Variants in COL28A1 observed in about 807,000 individuals in gnomAD.
COL28A1 encodes the protein collagen type XXVIII alpha 1 chain.
COL28A1 carries 161 observed loss-of-function variants against 150.2 expected under a neutral mutation model. The observed-to-expected ratio is 1.07, with a 90% CI of 0.94 to 1.22. The LOEUF is 1.22. Among genes scored for constraint, COL28A1 ranks in the 50% most tolerant of loss-of-function variants. COL28A1 has a pLI of 0.00. For missense variants in COL28A1, 1,617 were observed against 1,388.3 expected (o/e 1.16, Z -2.62); for synonymous variants, 552 against 469.7 (o/e 1.18, Z -2.26).
At chr7:7,497,213 G>A (rs1226630799) in intron 11 of COL28A1, among the ~76,000 whole-genome samples, 1 of 152,170 alleles carries the variant, frequency 6.6e-6, no homozygotes, top group Admixed American at 6.5e-5. Flanking sequence ...AGGAAGTGTT[G>A]TGTTATAAAA....
chr7:7,434,935 C>T (rs1583362643), intron 23 of COL28A1, among the ~76,000 whole-genome samples: 1 of 152,118 alleles, frequency 6.6e-6, no homozygotes, highest in African/African-American at 2.4e-5. Context: ...TGGGAGACCC[C>T]TGAAGTATTA....
intron 33 of COL28A1, among the ~76,000 whole-genome samples, chr7:7,368,288 G>C (rs879433808): frequency 2.0e-5 from 3 of 151,944 alleles, no homozygotes; most frequent in Admixed American, 2.0e-4. Context: ...TCCAGCTTTA[G>C]CTCTCATCAC....
the COL28A1 span, among the ~76,000 whole-genome samples, chr7:7,542,197 A>T: frequency 6.6e-6 from 1 of 152,122 alleles, no homozygotes; most frequent in Non-Finnish European, 1.5e-5. Context: ...AAAATACAAA[A>T]ATTAGCTGGG....
chr7:7,449,842 T>C (rs1388090579), intron 18 of COL28A1, among the ~76,000 whole-genome samples: 2 of 152,114 alleles, frequency 1.3e-5, no homozygotes, highest in African/African-American at 4.8e-5. Context: ...ACAAATATTT[T>C]CTTGAAAAAT....
chr7:7,445,361 G>C (rs1048020456), intron 18 of COL28A1, among the ~76,000 whole-genome samples: 1 of 152,160 alleles, frequency 6.6e-6, no homozygotes, highest in African/African-American at 2.4e-5. Flanking sequence ...GACACCCTGA[G>C]AAGCTAAGAT....
rs1180460804 is a variant in COL28A1 at position 7,502,921 on chromosome 7, T to A, written c.1026+3093A>T. 1.5e-5 allele frequency among the ~76,000 whole-genome samples: 2 copies of A among 135,464 alleles called. 1 individual carries two copies. Among genetic ancestry groups the A allele is most frequent in the African/African-American group, 6.4e-5 (2 of 31,256 alleles). 88.9% of individuals were successfully genotyped at this position (135,464 alleles called of 152,430 possible). A position where few individuals can be genotyped will look rare whatever the true frequency, so the allele number is the denominator to read the frequency against. On this transcript the variant is annotated intron_variant, in intron 11 of 34. Coordinates refer to ENST00000399429, the MANE Select transcript of COL28A1 (RefSeq NM_001037763.3). ...ACCGTGTTAGCCAGGATGGTCTCGA[T>A]CTCCTGACCTCGTGATCCGCCCGCC...
intron 1 of COL28A1, among the ~76,000 whole-genome samples, chr7:7,535,316 C>T (rs965746397): frequency 1.3e-5 from 2 of 152,018 alleles, no homozygotes; most frequent in Admixed American, 6.6e-5. Context: ...ATAAAATGAT[C>T]TTATATCAGA....
chr7:7,525,271 A>C (rs1047056278), intron 3 of COL28A1, among the ~76,000 whole-genome samples: 2 of 152,188 alleles, frequency 1.3e-5, no homozygotes, highest in African/African-American at 4.8e-5. Context: ...TACAGGAATG[A>C]ATTAGCCAGA....
At chr7:7,350,315 C>G in the COL28A1 span, among the ~76,000 whole-genome samples, 1 of 152,128 alleles carries the variant, frequency 6.6e-6, no homozygotes, top group Non-Finnish European at 1.5e-5. Flanking sequence ...GGCTGGGTGA[C>G]TGTGCCATTC....
rs1782387058 is a variant in COL28A1 at position 7,531,904 on chromosome 7, C to G, written c.125G>C (p.Gly42Ala). 2 of 1,585,070 alleles carry G rather than the reference C, an allele frequency of 1.3e-6. No individual in the cohort carries two copies. Among genetic ancestry groups the G allele is most frequent in the Non-Finnish European group, 1.7e-6 (2 of 1,157,770 alleles). Residue 42 changes from glycine (G) to alanine (A), a missense_variant and splice_region_variant, in exon 3 of 35, where the codon GGC becomes GCC. Coordinates refer to ENST00000399429, the MANE Select transcript of COL28A1 (RefSeq NM_001037763.3). ...NLLARKSDVQ[G>A]SICFIDIVFI... The stretch of plus-strand genomic sequence containing the variant: ...GACAATATCTATGAAACAAATGGAG[C>G]CTGAAACAGAATAAACAGGTTAGGC...
chr7:7,416,618 C>G (rs1259229898), intron 27 of COL28A1, among the ~76,000 whole-genome samples: 1 of 152,196 alleles, frequency 6.6e-6, no homozygotes, highest in Non-Finnish European at 1.5e-5. Flanking sequence ...CAGAGTGTTG[C>G]TGTATTTTCT....
chr7:7,536,857 A>C (rs1255355078), upstream of COL28A1, among the ~76,000 whole-genome samples: 7 of 152,210 alleles, frequency 4.6e-5, no homozygotes, highest in Non-Finnish European at 8.8e-5. Flanking sequence ...TACCTCATTT[A>C]ATCCTTCACA....
chr7:7,502,002 G>A (rs1320046904), intron 11 of COL28A1, among the ~76,000 whole-genome samples: 4 of 152,002 alleles, frequency 2.6e-5, no homozygotes, highest in African/African-American at 4.8e-5. Context: ...TTCAGGCAAC[G>A]CTCTGCCTCA....
Position 7,358,595 on chromosome 7 carries a change from G to A in COL28A1, c.*38C>T, listed in dbSNP as rs1453274819. The A allele has an allele frequency of 1.9e-6, 3 of 1,593,280 alleles. No individual in the cohort carries two copies. The highest frequency in any genetic ancestry group is 2.6e-6 in the Non-Finnish European group (3 of 1,163,214). Reference sequence around the variant, plus strand: ...TGGGTGAATATGTGGAAATTAGGGAGTTCTATGCTTTTGATAGAGACAGGC... The same window carrying A: ...TGGGTGAATATGTGGAAATTAGGGAATTCTATGCTTTTGATAGAGACAGGC... On this transcript the variant is annotated 3_prime_UTR_variant, in exon 35 of 35. Coordinates refer to ENST00000399429, the MANE Select transcript of COL28A1 (RefSeq NM_001037763.3).
chr7:7,445,225 T>C (rs1240394392), intron 18 of COL28A1, among the ~76,000 whole-genome samples: 2 of 152,148 alleles, frequency 1.3e-5, no homozygotes, highest in African/African-American at 4.8e-5. Context: ...AATGGACTAA[T>C]ACAACGGGTA....
chr7:7,541,942 A>C, the COL28A1 span, among the ~76,000 whole-genome samples: 8 of 21,580 alleles, frequency 3.7e-4, no homozygotes, highest in Non-Finnish European at 5.2e-4. Flanking sequence ...GTTTTACCCA[A>C]AAAAAAAAAA....
intron 27 of COL28A1, among the ~76,000 whole-genome samples, chr7:7,386,361 T>TG (rs754202275): frequency 3.3e-5 from 5 of 151,902 alleles, no homozygotes; most frequent in Non-Finnish European, 7.4e-5. Context: ...TGTAGAAAAG[T>TG]GGAAAAAAAT....
At position 7,511,094 on chromosome 7, in the gene COL28A1, G is replaced by A; in HGVS notation, c.924C>T (p.Asp308=). 6.2e-7 allele frequency: 1 copy of A among 1,612,918 alleles called. No individual in the cohort carries two copies. Among genetic ancestry groups the A allele is most frequent in the Middle Eastern group, 1.7e-4 (1 of 6,054 alleles). The change falls in exon 9 of 35, where the codon GAC becomes GAT. Residue 308 remains aspartate, a synonymous_variant. Coordinates refer to ENST00000399429, the MANE Select transcript of COL28A1 (RefSeq NM_001037763.3). The part of the protein sequence containing the change: ...GECGKPGIKG[D]KGSPGPYGPK... ...AGTTTAAAAACATGTTCCTTACCTT[G>A]TCACCTTTTATCCCTGGTTTACCAC... is the stretch of plus-strand genomic sequence containing the variant.
chr7:7,390,125 G>C (rs1053213708), intron 27 of COL28A1, among the ~76,000 whole-genome samples: 3 of 152,072 alleles, frequency 2.0e-5, no homozygotes, highest in Non-Finnish European at 4.4e-5. Context: ...ACTGGCTTTG[G>C]GTTTGTCATA....
Sources: gnomAD v4.1 joint callset for allele counts (sites outside exome capture counted in the v4.1 genomes callset) on GRCh38, gnomAD v4.1.1 for gene constraint, MANE v1.5 for transcripts, NCBI Gene and HGNC (gene_info 2026-07-23, HGNC 2026-07-21) for gene names.